The following NUP160 variants were observed in gnomAD, a reference collection of about 807,000 sequenced individuals.
The protein encoded by NUP160 is nucleoporin 160.
NUP160 carries 94 observed loss-of-function variants against 196.9 expected under a neutral mutation model. That is an observed-to-expected ratio of 0.48 (90% CI 0.40 to 0.57). The LOEUF (loss-of-function observed/expected upper bound fraction) is 0.57, where lower values mean the gene tolerates loss of function less well. Among genes scored for constraint, NUP160 ranks in the 20% least tolerant of loss-of-function variants. The probability of loss-of-function intolerance (pLI) is 0.00; values close to 1 mark genes in which losing one functional copy is unlikely to be tolerated. For missense variants in NUP160, 1,638 were observed against 1,748.3 expected, an observed-to-expected ratio of 0.94 and a Z score of 1.13; for synonymous variants, 605 against 619.7, an observed-to-expected ratio of 0.98 and a Z score of 0.35.
chr11:47,791,849 A>T, intron 29 of NUP160, 81 bp downstream of exon 29: 1 of 939,138 alleles, frequency 1.1e-6, no homozygotes, highest in Non-Finnish European at 1.7e-6. Context: ...TTATTTAACT[A>T]CATATTTCTA....
chr11:47,803,386 C>T (rs1250654123), intron 22 of NUP160, 52 bp downstream of exon 22: 32 of 1,115,210 alleles, frequency 2.9e-5, no homozygotes, highest in Non-Finnish European at 4.1e-5. Context: ...AGCTAAGCAA[C>T]TTCCTTGCGT....
intron 19 of NUP160, 41 bp from the exon 20 acceptor site, chr11:47,806,353 T>C (rs1273556389): frequency 6.7e-7 from 1 of 1,484,804 alleles, no homozygotes; most frequent in Non-Finnish European, 9.3e-7. Context: ...GTAGTGGTAA[T>C]TATCAATTTT....
chr11:47,845,363 C>A (rs1396369332), intron 2 of NUP160, among the ~76,000 whole-genome samples: 2 of 152,186 alleles, frequency 1.3e-5, no homozygotes, highest in Non-Finnish European at 2.9e-5. Context: ...TGGTCTCGAA[C>A]TCCTGACCTC....
rs760174278 is a variant in NUP160 at position 47,792,733 on chromosome 11, A to C, written c.3450+53T>G. 1.9e-5 allele frequency: 29 copies of C among 1,489,758 alleles called. No individual in the cohort carries two copies. In the South Asian group the frequency reaches 3.5e-4, roughly 18 times the overall value. 92.3% of individuals were successfully genotyped at this position (1,489,758 alleles called of 1,614,324 possible). On this transcript the variant is annotated intron_variant, in intron 28 of 35. Coordinates refer to ENST00000378460, the Ensembl canonical transcript of NUP160. ...GTTTTGAAAGGACCAAAACAAGTAG[A>C]TTTACTTGTTCCAGGATGAACCCCC...
intron 7 of NUP160, among the ~76,000 whole-genome samples, chr11:47,824,044 T>TAC (rs1851919017): frequency 1.9e-5 from 2 of 105,822 alleles, no homozygotes; most frequent in Non-Finnish European, 4.1e-5. Context: ...TATATATATA[T>TAC]ATATATATAC....
At position 47,805,989 on chromosome 11, in the gene NUP160, T is replaced by G. The variant is rs201022640; in HGVS notation, c.2606+164A>C. Among the ~76,000 whole-genome samples the G allele has an allele frequency of 3.9e-5, 6 of 152,148 alleles. No homozygotes were observed. The East Asian group carries it at 1.2e-3, about 29-fold the overall frequency. ...CCACCACGCCTGACTAATTTTTGTA[T>G]TTTTAGTAGAGGTGGGGTTTCACCA... On this transcript the variant is annotated intron_variant, in intron 20 of 35. Coordinates refer to ENST00000378460, the Ensembl canonical transcript of NUP160.
At chr11:47,794,482 A>G (rs2097669726) in intron 27 of NUP160, among the ~76,000 whole-genome samples, 1 of 151,944 alleles carries the variant, frequency 6.6e-6, no homozygotes, top group African/African-American at 2.4e-5. Flanking sequence ...CTCAAAAACA[A>G]AAACAGTTGG....
At chr11:47,791,156 T>C (rs1191899368) in intron 29 of NUP160, among the ~76,000 whole-genome samples, 3 of 79,422 alleles carry the variant, frequency 3.8e-5, no homozygotes, top group East Asian at 7.7e-4. Context: ...AAATTTTCTC[T>C]TCTTTTTTTT....
intron 20 of NUP160, among the ~76,000 whole-genome samples, chr11:47,805,726 G>A (rs559140902): frequency 1.2e-4 from 19 of 152,202 alleles, no homozygotes; most frequent in East Asian, 7.7e-4. Context: ...GATTACAGGC[G>A]TGAGCCACTG....
chr11:47,813,382 C>T (rs781192475), exon 14 of NUP160: 18 of 1,612,404 alleles, frequency 1.1e-5, no homozygotes, highest in Non-Finnish European at 1.4e-5. Context: ...AAATGATCCA[C>T]TAAGGATGAG....
chr11:47,803,177 A>ATAATAATAC (rs1179619053), intron 22 of NUP160, among the ~76,000 whole-genome samples: 2 of 148,932 alleles, frequency 1.3e-5, no homozygotes, highest in Non-Finnish European at 3.0e-5. Flanking sequence ...AATAATAATA[A>ATAATAATAC]TAAAAGGAAT....
At chr11:47,813,120 G>A (rs1283369806) in intron 14 of NUP160, 73 bp from the exon 15 acceptor site, 1 of 1,146,640 alleles carries the variant, frequency 8.7e-7, no homozygotes, top group Non-Finnish European at 1.3e-6. Context: ...ACATTAAAAT[G>A]TTAATAATTA....
chr11:47,824,052 T>TACACAC (rs59415997), intron 7 of NUP160, among the ~76,000 whole-genome samples: 10 of 93,798 alleles, frequency 1.1e-4, no homozygotes, highest in South Asian at 3.4e-4. Context: ...TATATATATA[T>TACACAC]ACACACACAC....
chr11:47,813,451 G>C (rs762396754), intron 13 of NUP160, 36 bp from the exon 14 acceptor site: 2 of 1,408,092 alleles, frequency 1.4e-6, no homozygotes, highest in Admixed American at 1.7e-5. Flanking sequence ...ATTTTTGTCA[G>C]TAAAATTTTA....
chr11:47,786,439 C>T lies in NUP160; in HGVS notation c.3848+14G>A. The T allele has an allele frequency of 6.4e-7, 1 of 1,557,876 alleles. No homozygotes were observed. Among genetic ancestry groups the T allele is most frequent in the Non-Finnish European group, 8.9e-7 (1 of 1,129,216 alleles). On this transcript the variant is annotated intron_variant, in intron 32 of 35. Coordinates refer to ENST00000378460, the Ensembl canonical transcript of NUP160. ...AAAGGCAAAACTACCCAGGGTTGAACACCAGGGTTGTACCTAGACTCCTTA... is the reference window on the plus strand; with the variant it reads ...AAAGGCAAAACTACCCAGGGTTGAATACCAGGGTTGTACCTAGACTCCTTA...
intron 27 of NUP160, among the ~76,000 whole-genome samples, chr11:47,794,597 C>T (rs576900334): frequency 3.3e-5 from 5 of 152,162 alleles, no homozygotes; most frequent in Admixed American, 2.0e-4. Flanking sequence ...GGTGAAACGT[C>T]GTCTCTACTA....
chr11:47,799,292 G>A (rs1295100997), intron 23 of NUP160, among the ~76,000 whole-genome samples: 1 of 151,854 alleles, frequency 6.6e-6, no homozygotes, highest in Non-Finnish European at 1.5e-5. Context: ...CACCATGGTG[G>A]TCAGAGTGGT....
Position 47,792,801 on chromosome 11 carries a change from T to TG in NUP160, c.3434dup (p.Val1146SerfsTer7). 1 of 1,612,940 alleles carries TG rather than the reference T, an allele frequency of 6.2e-7. No homozygotes were observed. Among genetic ancestry groups the TG allele is most frequent in the Non-Finnish European group, 8.5e-7 (1 of 1,179,598 alleles). On this transcript the variant is annotated frameshift_variant, in exon 28 of 36. Transcript: ENST00000378460. LOFTEE classifies it high-confidence loss of function. ...GTTTTCATACCACTGCACCAGACAC[T>TG]GGCTGCACAATCCACGCATATTCTG...
chr11:47,793,733 T>TG (rs1565189763), intron 27 of NUP160, among the ~76,000 whole-genome samples: 6 of 131,968 alleles, frequency 4.5e-5, no homozygotes, highest in African/African-American at 6.1e-5. Context: ...TTTTTTTTTT[T>TG]TTTTTTTTTT....
Sources: gnomAD v4.1 joint callset for allele counts (sites outside exome capture counted in the v4.1 genomes callset) on GRCh38, gnomAD v4.1.1 for gene constraint, MANE v1.5 for transcripts, NCBI Gene and HGNC (gene_info 2026-07-23, HGNC 2026-07-21) for gene names.